SMIM15: variants seen among roughly 807,000 people sequenced by gnomAD.
The protein encoded by SMIM15 is UPF0542 protein C5orf43.
Under a neutral mutation model 6.8 loss-of-function variants are expected in SMIM15, and 5 were observed. The observed-to-expected ratio is 0.74, with a 90% confidence interval of 0.39 to 1.56. The LOEUF (loss-of-function observed/expected upper bound fraction) is 1.56, where lower values mean the gene tolerates loss of function less well. SMIM15 is among the 40% of genes most tolerant of loss of function. The probability of loss-of-function intolerance (pLI) is 0.03; values close to 1 mark genes in which losing one functional copy is unlikely to be tolerated. For synonymous variants in SMIM15, 30 were observed against 30.8 expected (o/e 0.97, Z 0.09); for missense variants, 81 against 84.8 (o/e 0.96, Z 0.18).
Position 61,159,689 on chromosome 5 carries a change from A to C in SMIM15, c.*258T>G, listed in dbSNP as rs1004704939. On this transcript the variant is annotated 3_prime_UTR_variant, in exon 3 of 3. Coordinates refer to ENST00000339020, the MANE Select transcript of SMIM15 (RefSeq NM_001048249.4). ...ATAAACTGCTAAGCGGCAAATGACT[A>C]AGTCAGTTATAAAGAATTTGTACCA... is the stretch of plus-strand genomic sequence containing the variant. The C allele has an allele frequency of 4.3e-6, 2 of 467,228 alleles. No individual in the cohort carries two copies. Among genetic ancestry groups the C allele is most frequent in the African/African-American group, 3.9e-5 (2 of 51,210 alleles). 28.9% of individuals were successfully genotyped at this position (467,228 alleles called of 1,614,324 possible). A position where few individuals can be genotyped will look rare whatever the true frequency, so the allele number is the denominator to read the frequency against.
At chr5:61,160,605 T>A (rs545070406) in intron 2 of SMIM15, among the ~76,000 whole-genome samples, 9 of 152,318 alleles carry the variant, frequency 5.9e-5, no homozygotes, top group Non-Finnish European at 8.8e-5. Context: ...TTTTGACATA[T>A]CCTTAGTATT....
rs2111845744 is a variant in SMIM15 at position 61,158,584 on chromosome 5, A to T, written c.*1363T>A. The T allele has an allele frequency of 6.6e-6, 1 of 152,238 alleles. No individual in the cohort carries two copies. Among genetic ancestry groups the T allele is most frequent in the African/African-American group, 2.4e-5 (1 of 41,570 alleles). 9.4% of individuals were successfully genotyped at this position (152,238 alleles called of 1,614,324 possible). A position where few individuals can be genotyped will look rare whatever the true frequency, so the allele number is the denominator to read the frequency against. On this transcript the variant is annotated 3_prime_UTR_variant, in exon 3 of 3. Coordinates refer to ENST00000339020, the MANE Select transcript of SMIM15 (RefSeq NM_001048249.4). Reference sequence around the variant, plus strand: ...AAATGTTAGTTCCTCCAAAAAAAAAAAAAAAATCCAGGACCTCTTTATAAA... The same window carrying T: ...AAATGTTAGTTCCTCCAAAAAAAAATAAAAAATCCAGGACCTCTTTATAAA...
chr5:61,158,204 A>G lies in SMIM15; in HGVS notation c.*1743T>C, dbSNP rs1002374732. 1.3e-5 allele frequency: 2 copies of G among 152,248 alleles called. No individual in the cohort carries two copies. Among genetic ancestry groups the G allele is most frequent in the Non-Finnish European group, 2.9e-5 (2 of 68,036 alleles). The allele number at this position is 152,248 out of a possible 1,614,324, so 9.4% of individuals were successfully genotyped here. On this transcript the variant is annotated 3_prime_UTR_variant, in exon 3 of 3. Transcript: ENST00000339020. Reference sequence around the variant, plus strand: ...ACAGAACTGATGAAACCATAACTTTAGTAGGTAACTGAGAATTATGACTAT... The same window carrying G: ...ACAGAACTGATGAAACCATAACTTTGGTAGGTAACTGAGAATTATGACTAT...
intron 2 of SMIM15, among the ~76,000 whole-genome samples, chr5:61,160,741 G>A (rs962034989): frequency 4.6e-5 from 7 of 152,250 alleles, no homozygotes; most frequent in Non-Finnish European, 1.0e-4. Flanking sequence ...GGGTAAGGGA[G>A]TCATGACATC....
At chr5:61,161,593 C>T (rs1741417594) in intron 1 of SMIM15, among the ~76,000 whole-genome samples, 1 of 152,146 alleles carries the variant, frequency 6.6e-6, no homozygotes, top group Non-Finnish European at 1.5e-5. Flanking sequence ...CATTTATTTA[C>T]TGGATTAGGT....
At chr5:61,160,454 G>A (rs1399539345) in intron 2 of SMIM15, among the ~76,000 whole-genome samples, 2 of 152,228 alleles carry the variant, frequency 1.3e-5, no homozygotes, top group East Asian at 3.9e-4. Flanking sequence ...ATTTAAAAAA[G>A]CCATGTGACT....
rs1741439630 is a variant in SMIM15, at chr5:61,162,465, A to G, written c.-417T>C. 6.6e-6 allele frequency: 1 copy of G among 152,510 alleles called. No individual in the cohort carries two copies. Among genetic ancestry groups the G allele is most frequent in the African/African-American group, 2.4e-5 (1 of 41,472 alleles). 9.4% of individuals were successfully genotyped at this position (152,510 alleles called of 1,614,324 possible). A position where few individuals can be genotyped will look rare whatever the true frequency, so the allele number is the denominator to read the frequency against. On this transcript the variant is annotated 5_prime_UTR_variant, in exon 1 of 3. Transcript: ENST00000339020. The surrounding 1 kb of genome is among the most constrained non-coding windows in gnomAD (Gnocchi z 4.4). ...ACTCACCGCCAGACCGGAAGCAGGA[A>G]GGCGGAAGTCGCGGCCTTTGCGTCC...
In SMIM15 at chr5:61,160,035, T is replaced by C; in HGVS notation, c.137A>G (p.Lys46Arg). 1 of 1,614,188 alleles carries C rather than the reference T, an allele frequency of 6.2e-7. No homozygotes were observed. Among genetic ancestry groups the C allele is most frequent in the Non-Finnish European group, 8.5e-7 (1 of 1,180,030 alleles). Residue 46 changes from lysine to arginine, a missense_variant, in exon 3 of 3, where the codon AAG becomes AGG. Transcript: ENST00000339020. ...ASAVLSWKLA[K>R]MIEAREKEQK... ...CTCCTTCTCCCTGGCCTCAATCATC[T>C]TGGCCAATTTCCAAGACAGTACAGC... is the stretch of plus-strand genomic sequence containing the variant.
rs772992129 is a variant in SMIM15, at chr5:61,160,203, G to T, written c.-28-4C>A. On this transcript the variant is annotated splice_region_variant and splice_polypyrimidine_tract_variant and intron_variant, in intron 2 of 2. Coordinates refer to ENST00000339020, the MANE Select transcript of SMIM15 (RefSeq NM_001048249.4). ...AGCAGTCTTATGAAAACTGGGGCTG[G>T]GGGAGGCGGGTGGAGAACACAGAGG... 5 of 1,597,400 alleles carry T rather than the reference G, an allele frequency of 3.1e-6. No individual in the cohort carries two copies. In the South Asian group the frequency reaches 5.6e-5, roughly 18 times the overall value.
Position 61,159,604 on chromosome 5 carries a change from T to C in SMIM15, c.*343A>G. The C allele has an allele frequency of 3.7e-6, 1 of 272,560 alleles. No homozygotes were observed. Among genetic ancestry groups the C allele is most frequent in the South Asian group, 4.6e-5 (1 of 21,666 alleles). 16.9% of individuals were successfully genotyped at this position (272,560 alleles called of 1,614,324 possible). On this transcript the variant is annotated 3_prime_UTR_variant, in exon 3 of 3. Transcript: ENST00000339020. ...AGGACCCCATTTTAAATAGAGTTCA[T>C]TTGAATTGAGTTCATAATCTAAAGT...
In SMIM15 at chr5:61,158,439, T is replaced by C. The variant is rs1300161847; in HGVS notation, c.*1508A>G. 4 of 152,152 alleles carry C rather than the reference T, an allele frequency of 2.6e-5. No homozygotes were observed. Among genetic ancestry groups the C allele is most frequent in the Non-Finnish European group, 5.9e-5 (4 of 67,990 alleles). The allele number at this position is 152,152 out of a possible 1,614,324, so 9.4% of individuals were successfully genotyped here. A position where few individuals can be genotyped will look rare whatever the true frequency, so the allele number is the denominator to read the frequency against. On this transcript the variant is annotated 3_prime_UTR_variant, in exon 3 of 3. Transcript: ENST00000339020. Reference sequence around the variant, plus strand: ...TCTAAAAGAATAGCATTAAGTGTTATTCAAACTGGTCCATAAACATTCTCA... The same window carrying C: ...TCTAAAAGAATAGCATTAAGTGTTACTCAAACTGGTCCATAAACATTCTCA...
At chr5:61,161,552 T>A (rs1298496353) in intron 1 of SMIM15, among the ~76,000 whole-genome samples, 1 of 152,190 alleles carries the variant, frequency 6.6e-6, no homozygotes, top group African/African-American at 2.4e-5. Context: ...GTTCCTAGAT[T>A]TTCAATTTTT....
intron 1 of SMIM15, among the ~76,000 whole-genome samples, chr5:61,161,822 T>G (rs1464373273): frequency 6.6e-6 from 1 of 152,208 alleles, no homozygotes; most frequent in Non-Finnish European, 1.5e-5. Flanking sequence ...CCTAATACGT[T>G]AAATATCTTA....
In SMIM15 at chr5:61,159,050, C is replaced by T. The variant is rs1423242344; in HGVS notation, c.*897G>A. ...ATCAGAAAGTATTAAATATCACTAC[C>T]ACATGAGTTAAAACAAAGAATGAAA... On this transcript the variant is annotated 3_prime_UTR_variant, in exon 3 of 3. Coordinates refer to ENST00000339020, the MANE Select transcript of SMIM15 (RefSeq NM_001048249.4). 2 of 152,124 alleles carry T rather than the reference C, an allele frequency of 1.3e-5. No homozygotes were observed. Among genetic ancestry groups the T allele is most frequent in the Admixed American group, 6.5e-5 (1 of 15,272 alleles). 9.4% of individuals were successfully genotyped at this position (152,124 alleles called of 1,614,324 possible). A position where few individuals can be genotyped will look rare whatever the true frequency, so the allele number is the denominator to read the frequency against.
At chr5:61,161,863 C>T (rs777661566) in intron 1 of SMIM15, among the ~76,000 whole-genome samples, 14 of 152,172 alleles carry the variant, frequency 9.2e-5, no homozygotes, top group Non-Finnish European at 1.6e-4. Flanking sequence ...CTCACCCATA[C>T]AGTTAGAATT....
rs1384997181 is a variant in SMIM15, at chr5:61,159,786, A to AT, written c.*160dup. 1.3e-6 allele frequency: 1 copy of AT among 751,592 alleles called. No individual in the cohort carries two copies. Among genetic ancestry groups the AT allele is most frequent in the African/African-American group, 1.8e-5 (1 of 56,574 alleles). 46.6% of individuals were successfully genotyped at this position (751,592 alleles called of 1,614,324 possible). A position where few individuals can be genotyped will look rare whatever the true frequency, so the allele number is the denominator to read the frequency against. Reference sequence around the variant, plus strand: ...TCTACACCCACGCCTAAAAGTTACTATAGTATTGAGGTCAGAACTAACATG... The same window carrying AT: ...TCTACACCCACGCCTAAAAGTTACTATTAGTATTGAGGTCAGAACTAACATG... On this transcript the variant is annotated 3_prime_UTR_variant, in exon 3 of 3. Coordinates refer to ENST00000339020, the MANE Select transcript of SMIM15 (RefSeq NM_001048249.4).
chr5:61,159,083 CAA>C lies in SMIM15; in HGVS notation c.*862_*863del. 6.6e-6 allele frequency: 1 copy of C among 152,282 alleles called. No individual in the cohort carries two copies. The highest frequency in any genetic ancestry group is 1.9e-4 in the East Asian group (1 of 5,180). 9.4% of individuals were successfully genotyped at this position (152,282 alleles called of 1,614,324 possible). A position where few individuals can be genotyped will look rare whatever the true frequency, so the allele number is the denominator to read the frequency against. ...TTAAAACAAAGAATGAAATAAAAAA[CAA>C]ATGGTGTCTTTGTAATCGGCGAATT... On this transcript the variant is annotated 3_prime_UTR_variant, in exon 3 of 3. Transcript: ENST00000339020.
chr5:61,160,870 T>C (rs1408743199), intron 2 of SMIM15, among the ~76,000 whole-genome samples: 2 of 152,314 alleles, frequency 1.3e-5, no homozygotes, highest in East Asian at 3.9e-4. Context: ...ACAGATGCCA[T>C]GTGTTTTGTT....
chr5:61,159,797 G>T lies in SMIM15; in HGVS notation c.*150C>A. 1.2e-6 allele frequency: 1 copy of T among 850,062 alleles called. No homozygotes were observed. Among genetic ancestry groups the T allele is most frequent in the African/African-American group, 1.7e-5 (1 of 58,586 alleles). 52.7% of individuals were successfully genotyped at this position (850,062 alleles called of 1,614,324 possible). ...GCCTAAAAGTTACTATAGTATTGAG[G>T]TCAGAACTAACATGATTCTTCCATT... On this transcript the variant is annotated 3_prime_UTR_variant, in exon 3 of 3. Transcript: ENST00000339020.
Sources: allele counts gnomAD v4.1 joint callset (sites outside exome capture counted in the v4.1 genomes callset), GRCh38; gene constraint gnomAD v4.1.1; non-coding constraint Gnocchi (gnomAD v3.1); transcripts MANE v1.5; gene names NCBI Gene and HGNC (gene_info 2026-07-23, HGNC 2026-07-21).